The following GPR158 variants were observed in gnomAD, a reference collection of about 807,000 sequenced individuals.
GPR158 encodes the protein metabotropic glycine receptor.
In GPR158, 30 loss-of-function variants were observed where a neutral mutation model predicts 78.2. That is an observed-to-expected ratio of 0.38 (90% CI 0.29 to 0.52). The LOEUF (loss-of-function observed/expected upper bound fraction) is 0.52, where lower values mean the gene tolerates loss of function less well. GPR158 is among the 20% of genes least tolerant of loss of function. The probability of loss-of-function intolerance (pLI) is 0.83; values close to 1 mark genes in which losing one functional copy is unlikely to be tolerated. For synonymous variants in GPR158, 581 were observed against 591.1 expected, an observed-to-expected ratio of 0.98 and a Z score of 0.25; for missense variants, 1,463 against 1,523.5, an observed-to-expected ratio of 0.96 and a Z score of 0.66.
At chr10:25,212,494 G>A (rs1437938878) in intron 1 of GPR158, among the ~76,000 whole-genome samples, 1 of 152,148 alleles carries the variant, frequency 6.6e-6, no homozygotes, top group African/African-American at 2.4e-5. Context: ...AGATTTAGGC[G>A]GGAACACAGA....
At chr10:25,248,001 T>C (rs1301851233) in intron 2 of GPR158, among the ~76,000 whole-genome samples, 9 of 151,700 alleles carry the variant, frequency 5.9e-5, no homozygotes, top group Non-Finnish European at 1.2e-4. Context: ...TTTTAATGAT[T>C]GCCATTCTAA....
intron 1 of GPR158, among the ~76,000 whole-genome samples, chr10:25,178,154 A>G (rs1425655497): frequency 6.6e-6 from 1 of 152,226 alleles, no homozygotes; most frequent in Non-Finnish European, 1.5e-5. Context: ...CTTATGAGTT[A>G]GGTTTTATTA....
intron 5 of GPR158, among the ~76,000 whole-genome samples, chr10:25,492,020 A>G (rs1274887724): frequency 6.6e-6 from 1 of 152,160 alleles, no homozygotes; most frequent in Non-Finnish European, 1.5e-5. Flanking sequence ...CAGGCTGTAC[A>G]AGGAGCTTGG....
intron 2 of GPR158, among the ~76,000 whole-genome samples, chr10:25,235,007 GT>G (rs2130699237): frequency 6.6e-6 from 1 of 152,148 alleles, no homozygotes; most frequent in South Asian, 2.1e-4. Context: ...TTTTATCCAA[GT>G]TTTTCACAGG....
intron 5 of GPR158, among the ~76,000 whole-genome samples, chr10:25,512,615 C>G (rs1040198041): frequency 6.6e-6 from 1 of 152,078 alleles, no homozygotes; most frequent in Admixed American, 6.6e-5. Context: ...TTCCAGTTCT[C>G]AGGGGGAATG....
intron 2 of GPR158, among the ~76,000 whole-genome samples, chr10:25,237,845 G>A (rs1463262613): frequency 2.0e-5 from 3 of 152,164 alleles, no homozygotes; most frequent in Non-Finnish European, 2.9e-5. Context: ...ACATGTAAAT[G>A]TAATTGAAAA....
rs1836901604 is a variant in GPR158 at position 25,564,401 on chromosome 10, C to T, written c.1515-8248C>T. 1.3e-5 allele frequency among the ~76,000 whole-genome samples: 2 copies of T among 152,178 alleles called. 1 individual carries two copies. The highest frequency in any genetic ancestry group is 4.1e-4 in the South Asian group (2 of 4,820). On this transcript the variant is annotated intron_variant, in intron 6 of 10. Transcript: ENST00000376351. ...CATCTCATTTCCCATTCTTTCTTCC[C>T]AATCTTTTTGTTTAGTCGATTGTTT...
intron 2 of GPR158, among the ~76,000 whole-genome samples, chr10:25,346,916 G>T (rs1279326323): frequency 6.6e-6 from 1 of 151,808 alleles, no homozygotes; most frequent in African/African-American, 2.4e-5. Flanking sequence ...TTCAAAACCT[G>T]GCTTGATTTT....
intron 5 of GPR158, among the ~76,000 whole-genome samples, chr10:25,470,922 T>C (rs993501288): frequency 4.7e-4 from 71 of 152,188 alleles, no homozygotes; most frequent in African/African-American, 1.6e-3. Flanking sequence ...GATTTAAAAA[T>C]GTCAAATCTA....
chr10:25,487,439 A>C (rs1453895397), intron 5 of GPR158, among the ~76,000 whole-genome samples: 1 of 152,192 alleles, frequency 6.6e-6, no homozygotes, highest in East Asian at 1.9e-4. Flanking sequence ...CCAGGCCCTC[A>C]TTCCCACGAT....
chr10:25,383,862 T>C (rs559699267), intron 2 of GPR158, among the ~76,000 whole-genome samples: 22 of 152,340 alleles, frequency 1.4e-4, no homozygotes, highest in African/African-American at 5.3e-4. Flanking sequence ...TAGGCAGTGA[T>C]TGATACTCTT....
chr10:25,425,483 A>T (rs1192225229), intron 4 of GPR158, among the ~76,000 whole-genome samples: 1 of 151,826 alleles, frequency 6.6e-6, no homozygotes, highest in East Asian at 1.9e-4. Flanking sequence ...TTCTTTTGAG[A>T]GTTGTCTATT....
chr10:25,250,865 C>T (rs1184225569), intron 2 of GPR158, among the ~76,000 whole-genome samples: 1 of 151,308 alleles, frequency 6.6e-6, no homozygotes, highest in African/African-American at 2.4e-5. Flanking sequence ...TCCTGGGTAT[C>T]CTTGTTGACT....
intron 2 of GPR158, among the ~76,000 whole-genome samples, chr10:25,370,952 T>C (rs1833980978): frequency 6.7e-6 from 1 of 150,280 alleles, no homozygotes; most frequent in Non-Finnish European, 1.5e-5. Flanking sequence ...TGATCTTTGC[T>C]GGTTTAAAGT....
chr10:25,558,536 C>T (rs1258987096), intron 6 of GPR158, among the ~76,000 whole-genome samples: 2 of 152,182 alleles, frequency 1.3e-5, no homozygotes, highest in African/African-American at 4.8e-5. Context: ...GCTGTTGCAC[C>T]TCCCTGCTGT....
At chr10:25,424,243 T>C (rs1175567926) in intron 4 of GPR158, among the ~76,000 whole-genome samples, 1 of 152,222 alleles carries the variant, frequency 6.6e-6, no homozygotes, top group Non-Finnish European at 1.5e-5. Context: ...GATTTTTTCT[T>C]GTAAATTTAA....
At chr10:25,304,648 A>C (rs1429892820) in intron 2 of GPR158, among the ~76,000 whole-genome samples, 1 of 152,066 alleles carries the variant, frequency 6.6e-6, no homozygotes, top group Non-Finnish European at 1.5e-5. Flanking sequence ...ATTTCTACAA[A>C]CCTTCAGAAC....
Position 25,537,668 on chromosome 10 carries a change from G to A in GPR158, c.1405-13308G>A, listed in dbSNP as rs183656496. On this transcript the variant is annotated intron_variant, in intron 5 of 10. Transcript: ENST00000376351. ...TGATATGGCCTGGATTTGTGTCCCC[G>A]CCCAAATCTCATGTGGAATTGTAAT... 5.3e-4 allele frequency among the ~76,000 whole-genome samples: 80 copies of A among 152,126 alleles called. No individual in the cohort carries two copies. In the East Asian group the frequency reaches 0.013, roughly 25 times the overall value.
chr10:25,316,012 A>C (rs66511505), intron 2 of GPR158, among the ~76,000 whole-genome samples: 30,699 of 152,008 alleles, frequency 0.2, 5,230 homozygotes, highest in African/African-American at 0.47. Context: ...GAATATAAAT[A>C]CTGTATTTTA....
Sources: gnomAD v4.1 joint callset for allele counts (sites outside exome capture counted in the v4.1 genomes callset) on GRCh38, gnomAD v4.1.1 for gene constraint, MANE v1.5 for transcripts, NCBI Gene and HGNC (gene_info 2026-07-23, HGNC 2026-07-21) for gene names.